ABCB7: variants seen among roughly 807,000 people sequenced by gnomAD.
ABCB7 encodes ATP binding cassette subfamily B member 7, also known as iron-sulfur clusters transporter ABCB7, mitochondrial.
A neutral mutation model predicts 54.4 loss-of-function variants in ABCB7; 7 were observed. The observed-to-expected ratio is 0.13, with a 90% CI of 0.07 to 0.24. The LOEUF (loss-of-function observed/expected upper bound fraction) is 0.24, where lower values mean the gene tolerates loss of function less well. ABCB7 is among the 10% of genes least tolerant of loss of function. ABCB7 has a pLI of 1.00. For synonymous variants in ABCB7, 218 were observed against 207.1 expected (o/e 1.05, Z -0.45); for missense variants, 356 against 570.4 (o/e 0.62, Z 3.83).
At chrX:75,070,639 T>G in intron 9 of ABCB7, 117 bp from the exon 10 acceptor site, 3 of 705,240 alleles carry the variant, frequency 4.3e-6, no homozygotes, top group East Asian at 3.3e-5. Context: ...GCAACAACTC[T>G]TATGTCAACT....
intron 13 of ABCB7, chrX:75,062,726 T>C: frequency 3.7e-6 from 1 of 273,759 alleles, no homozygotes; most frequent in Non-Finnish European, 6.5e-6. Context: ...ACCAGAAGCA[T>C]GCTCATTATA....
intron 1 of ABCB7, among the ~76,000 whole-genome samples, chrX:75,117,388 G>A (rs756094432): frequency 5.4e-5 from 6 of 110,888 alleles, no homozygotes; most frequent in Admixed American, 2.9e-4. Flanking sequence ...TGGGTAGGTC[G>A]GGTGCATATA....
intron 1 of ABCB7, among the ~76,000 whole-genome samples, chrX:75,125,501 T>C (rs189081678): frequency 7.2e-5 from 8 of 111,884 alleles, no homozygotes; most frequent in Non-Finnish European, 3.8e-5. Context: ...GAAACACAGT[T>C]ATTTGGGACA....
chrX:75,061,974 A>G (rs1360468627), intron 14 of ABCB7, among the ~76,000 whole-genome samples: 2 of 112,469 alleles, frequency 1.8e-5, no homozygotes, highest in African/African-American at 6.5e-5. Context: ...TATTTTAATG[A>G]GTGTTAAGTG....
chrX:75,064,090 T>A (rs1049338426), intron 13 of ABCB7, among the ~76,000 whole-genome samples: 3 of 111,769 alleles, frequency 2.7e-5, no homozygotes, highest in African/African-American at 9.7e-5. Flanking sequence ...GATACTGGCA[T>A]CTTATACTAC....
At chrX:75,113,113 A>G in intron 2 of ABCB7, 141 bp from the exon 3 acceptor site, 1 of 490,951 alleles carries the variant, frequency 2.0e-6, no homozygotes, top group Admixed American at 3.0e-5. Context: ...TAGTAAAGCA[A>G]AACACCTCCA....
chrX:75,135,336 C>T (rs1396959596), intron 1 of ABCB7, among the ~76,000 whole-genome samples: 1 of 110,730 alleles, frequency 9.0e-6, no homozygotes, highest in Admixed American at 9.7e-5. Context: ...TAATAAAAAG[C>T]CTACCAACCA....
intron 13 of ABCB7, among the ~76,000 whole-genome samples, chrX:75,063,839 T>C (rs1295363758): frequency 8.9e-6 from 1 of 111,988 alleles, no homozygotes; most frequent in African/African-American, 3.2e-5. Context: ...TAGGTAAGAA[T>C]AAAATTTCTT....
chrX:75,122,541 G>A (rs975767550), intron 1 of ABCB7, among the ~76,000 whole-genome samples: 3 of 112,403 alleles, frequency 2.7e-5, no homozygotes, highest in African/African-American at 9.7e-5. Flanking sequence ...ATAAATAGAA[G>A]AGGAATTTCT....
chrX:75,097,349 A>C (rs1406131477), intron 4 of ABCB7: 1 of 111,652 alleles, frequency 9.0e-6, no homozygotes, highest in African/African-American at 3.3e-5. Context: ...CTCAGATGTC[A>C]TCTCCTCTGT....
intron 4 of ABCB7, among the ~76,000 whole-genome samples, chrX:75,089,888 G>A (rs923265646): frequency 2.7e-5 from 3 of 109,793 alleles, no homozygotes; most frequent in Non-Finnish European, 3.8e-5. Flanking sequence ...ATATGTAAAC[G>A]GATGAAGAAA....
rs1286088336 is a variant in ABCB7, at chrX:75,138,227, C to T, written c.168+17878G>A. 1.1e-3 allele frequency among the ~76,000 whole-genome samples: 8 copies of T among 7,121 alleles called. 1 individual carries two copies. In the South Asian group the frequency reaches 0.13, roughly 117 times the overall value. 6.2% of individuals were successfully genotyped at this position (7,121 alleles called of 115,157 possible). ...GTGGAGAAATTGCAACCCTCATACACACACACACACACACACACACACACA... is the reference window on the plus strand; with the variant it reads ...GTGGAGAAATTGCAACCCTCATACATACACACACACACACACACACACACA... On this transcript the variant is annotated intron_variant, in intron 1 of 15. Transcript: ENST00000373394.
intron 4 of ABCB7, among the ~76,000 whole-genome samples, chrX:75,094,115 A>G: frequency 9.8e-6 from 1 of 101,870 alleles, no homozygotes; most frequent in South Asian, 4.6e-4. Flanking sequence ...CACCTGTTAT[A>G]CTTTATATAA....
At chrX:75,151,185 A>G (rs1469007942) in intron 1 of ABCB7, among the ~76,000 whole-genome samples, 1 of 111,767 alleles carries the variant, frequency 8.9e-6, no homozygotes, top group Non-Finnish European at 1.9e-5. Flanking sequence ...AATAATCTTA[A>G]TAACTAGTTA....
At chrX:75,057,235 T>C (rs1174526287) in intron 15 of ABCB7, among the ~76,000 whole-genome samples, 1 of 111,835 alleles carries the variant, frequency 8.9e-6, no homozygotes, top group Non-Finnish European at 1.9e-5. Context: ...ATCCTTTGAG[T>C]TTCTTTTTGC....
intron 3 of ABCB7, among the ~76,000 whole-genome samples, chrX:75,101,143 TTTG>T (rs932570639): frequency 6.3e-5 from 7 of 110,700 alleles, no homozygotes; most frequent in Middle Eastern, 4.2e-3. Context: ...TTTATGGCCT[TTTG>T]TTGTTGTTGT....
intron 15 of ABCB7, among the ~76,000 whole-genome samples, chrX:75,055,553 CAAAAAAAAAAAAAAAA>C (rs59851777): frequency 1.4e-4 from 3 of 21,754 alleles, no homozygotes; most frequent in Non-Finnish European, 3.3e-4. Context: ...CCATCTCTAC[CAAAAAAAAAAAAAAAA>C]AAAAAAAAAA....
chrX:75,136,504 C>T (rs957370792), intron 1 of ABCB7, among the ~76,000 whole-genome samples: 1 of 111,252 alleles, frequency 9.0e-6, no homozygotes, highest in Non-Finnish European at 1.9e-5. Context: ...AAAATTAATT[C>T]GGAACCAAAA....
At chrX:75,153,535 G>A (rs1292084650) in intron 1 of ABCB7, among the ~76,000 whole-genome samples, 1 of 108,675 alleles carries the variant, frequency 9.2e-6, no homozygotes, top group Non-Finnish European at 1.9e-5. Flanking sequence ...AGCCAATGGT[G>A]GAAGAGTAGG....
Sources: gnomAD v4.1 joint callset for allele counts (sites outside exome capture counted in the v4.1 genomes callset) on GRCh38, gnomAD v4.1.1 for gene constraint, MANE v1.5 for transcripts, NCBI Gene and HGNC (gene_info 2026-07-23, HGNC 2026-07-21) for gene names.